The following ARHGEF11 variants were observed in gnomAD, a reference collection of about 807,000 sequenced individuals.
ARHGEF11 encodes the protein Rho guanine nucleotide exchange factor 11, also known as Rho guanine exchange factor (GEF) 11.
A neutral mutation model predicts 193.7 loss-of-function variants in ARHGEF11; 55 were observed. The ratio of observed to expected loss-of-function variants is 0.28; its 90% CI spans 0.23 to 0.36. The LOEUF (loss-of-function observed/expected upper bound fraction) is 0.36. ARHGEF11 is among the 10% of genes least tolerant of loss of function. The pLI is 1.00. For missense variants in ARHGEF11, 1,723 were observed against 2,005.6 expected (o/e 0.86, Z 2.69); for synonymous variants, 693 against 768.0 (o/e 0.90, Z 1.62).
rs556614259 is a variant in ARHGEF11, at chr1:156,989,735, A to G, written c.33-3562T>C. ...GCAATCCCTGACCACTGCAGCACAC[A>G]TTTCATTTACCCCAACATTTTATTT... On this transcript the variant is annotated intron_variant, in intron 1 of 40. Coordinates refer to ENST00000368194, the MANE Select transcript of ARHGEF11 (RefSeq NM_198236.3). Among the ~76,000 whole-genome samples, 23 of 152,326 alleles carry G rather than the reference A, an allele frequency of 1.5e-4. No individual in the cohort carries two copies. The South Asian group carries it at 4.8e-3, about 32-fold the overall frequency.
rs573040520 is a variant in ARHGEF11, at chr1:157,013,841, C to T, written c.33-27668G>A. 3.3e-5 allele frequency among the ~76,000 whole-genome samples: 5 copies of T among 152,372 alleles called. No individual in the cohort carries two copies. The East Asian group carries it at 7.7e-4, about 24-fold the overall frequency. ...TTTTCCTCCCAGGTATCAACGTCCTCTCAGCTTCTCTTCCTTTTCGCCTGA... is the reference window on the plus strand; with the variant it reads ...TTTTCCTCCCAGGTATCAACGTCCTTTCAGCTTCTCTTCCTTTTCGCCTGA... On this transcript the variant is annotated intron_variant, in intron 1 of 40. Transcript: ENST00000368194.
At chr1:156,980,148 C>A (rs1330124543) in intron 4 of ARHGEF11, among the ~76,000 whole-genome samples, 1 of 152,202 alleles carries the variant, frequency 6.6e-6, no homozygotes, top group African/African-American at 2.4e-5. Context: ...TACTAACCCT[C>A]CCTCTTAATC....
In ARHGEF11 at chr1:157,039,274, C is replaced by T. The variant is rs751487009; in HGVS notation, c.32+5025G>A. Among the ~76,000 whole-genome samples, 16 of 152,260 alleles carry T rather than the reference C, an allele frequency of 1.1e-4. 1 individual carries two copies. Among genetic ancestry groups the T allele is most frequent in the African/African-American group, 3.4e-4 (14 of 41,560 alleles). On this transcript the variant is annotated intron_variant, in intron 1 of 40. Coordinates refer to ENST00000368194, the MANE Select transcript of ARHGEF11 (RefSeq NM_198236.3). ...ATTCTGGTTTCAGAGGCTGAAAGAACGTAATAGCTAAAAGGAATCAAATCT... is the reference window on the plus strand; with the variant it reads ...ATTCTGGTTTCAGAGGCTGAAAGAATGTAATAGCTAAAAGGAATCAAATCT...
intron 1 of ARHGEF11, among the ~76,000 whole-genome samples, chr1:157,036,055 GA>G (rs1671961023): frequency 1.5e-5 from 2 of 133,242 alleles, no homozygotes; most frequent in Admixed American, 1.5e-4. Context: ...ATCTATATAG[GA>G]ATATATATAT....
At chr1:157,043,313 G>A (rs1184881550) in intron 1 of ARHGEF11, among the ~76,000 whole-genome samples, 1 of 152,190 alleles carries the variant, frequency 6.6e-6, no homozygotes, top group Non-Finnish European at 1.5e-5. Flanking sequence ...CAGTTAGGAT[G>A]TGTGCAGTGC....
intron 1 of ARHGEF11, among the ~76,000 whole-genome samples, chr1:157,023,873 G>T (rs1670305692): frequency 6.6e-6 from 1 of 151,952 alleles, no homozygotes; most frequent in South Asian, 2.1e-4. Context: ...CTTTGGAAAA[G>T]TTTGGTAGTT....
chr1:157,033,838 G>A (rs1671587556), intron 1 of ARHGEF11, among the ~76,000 whole-genome samples: 1 of 152,114 alleles, frequency 6.6e-6, no homozygotes, highest in African/African-American at 2.4e-5. Context: ...CAATGTAAAG[G>A]TCCTTTCCTC....
intron 28 of ARHGEF11, 27 bp from the exon 29 acceptor site, chr1:156,946,189 G>A (rs1658077513): frequency 1.9e-6 from 3 of 1,600,906 alleles, no homozygotes; most frequent in South Asian, 1.1e-5. Flanking sequence ...ACAGAAGGGA[G>A]GAGATGTCAG....
intron 1 of ARHGEF11, among the ~76,000 whole-genome samples, chr1:157,011,735 A>G (rs1343981090): frequency 6.6e-6 from 1 of 152,224 alleles, no homozygotes; most frequent in African/African-American, 2.4e-5. Flanking sequence ...AAGAGGCTCA[A>G]TATCATTAGT....
rs1661283626 is a variant in ARHGEF11 at position 156,963,600 on chromosome 1, GGAGA to G, written c.964-10_964-7del. ...TTTGGGCTTTGATCTACACCCTGGG[GGAGA>G]GAGTCAAATTGCAGAGATGAGAGGT... is the stretch of plus-strand genomic sequence containing the variant. On this transcript the variant is annotated splice_polypyrimidine_tract_variant and splice_region_variant and intron_variant, in intron 11 of 40. Transcript: ENST00000368194. 2 of 1,613,236 alleles carry G rather than the reference GGAGA, an allele frequency of 1.2e-6. No homozygotes were observed. The highest frequency in any genetic ancestry group is 1.3e-5 in the African/African-American group (1 of 74,830).
At chr1:157,025,345 C>T (rs1004143268) in intron 1 of ARHGEF11, among the ~76,000 whole-genome samples, 3 of 152,100 alleles carry the variant, frequency 2.0e-5, no homozygotes, top group East Asian at 3.8e-4. Flanking sequence ...CGATGCATGT[C>T]GAAGATAAAT....
intron 10 of ARHGEF11, 57 bp downstream of exon 10, chr1:156,969,225 C>A: frequency 1.4e-6 from 2 of 1,472,074 alleles, no homozygotes; most frequent in South Asian, 2.4e-5. Context: ...GAACTTGGGT[C>A]AAGGGAAGGG....
At chr1:156,991,716 T>TA (rs1665746687) in intron 1 of ARHGEF11, among the ~76,000 whole-genome samples, 1 of 83,394 alleles carries the variant, frequency 1.2e-5, no homozygotes, top group African/African-American at 5.1e-5. Context: ...GCTTATTTTT[T>TA]TTTTTTTTTT....
chr1:156,976,986 T>C lies in ARHGEF11; in HGVS notation c.579A>G (p.Leu193=), dbSNP rs368631467. The change falls in exon 7 of 41, where the codon TTA becomes TTG. Residue 193 remains leucine (L), a synonymous_variant. Coordinates refer to ENST00000368194, the MANE Select transcript of ARHGEF11 (RefSeq NM_198236.3). ...CTACCCTTGGCAGTGACCTTACCTG[T>C]AATTCTTTTTCTTCCTGCCTCAGCA... The part of the protein sequence containing the change: ...RNMLRQEEKE[L]QRICEVYSRN... The C allele has an allele frequency of 6.2e-7, 1 of 1,614,056 alleles. No homozygotes were observed. The highest frequency in any genetic ancestry group is 8.5e-7 in the Non-Finnish European group (1 of 1,179,910).
In ARHGEF11 at chr1:156,948,231, G is replaced by T; in HGVS notation, c.2106-3C>A. On this transcript the variant is annotated splice_polypyrimidine_tract_variant and splice_region_variant and intron_variant, in intron 23 of 40. Coordinates refer to ENST00000368194, the MANE Select transcript of ARHGEF11 (RefSeq NM_198236.3). The surrounding 1 kb of genome is among the most constrained non-coding windows in gnomAD (Gnocchi z 4.2). The stretch of plus-strand genomic sequence containing the variant: ...GAGGGGTTGGGTTCTCAAGAGACCT[G>T]TGGAGGGAATGTCAACTCTCAGCAA... The T allele has an allele frequency of 6.3e-7, 1 of 1,592,714 alleles. No individual in the cohort carries two copies. The highest frequency in any genetic ancestry group is 8.6e-7 in the Non-Finnish European group (1 of 1,166,342).
chr1:157,044,674 T>A lies in ARHGEF11; in HGVS notation c.-344A>T, dbSNP rs866641820. The A allele has an allele frequency of 1.2e-5, 5 of 424,282 alleles. No individual in the cohort carries two copies. The highest frequency in any genetic ancestry group is 8.8e-5 in the South Asian group (1 of 11,404). 26.3% of individuals were successfully genotyped at this position (424,282 alleles called of 1,614,324 possible). A position where few individuals can be genotyped will look rare whatever the true frequency, so the allele number is the denominator to read the frequency against. On this transcript the variant is annotated 5_prime_UTR_variant, in exon 1 of 41. Transcript: ENST00000368194. ...GGTTAGCACTATGGCCAAAAAAAAATGAATCACAGAAAAATGTGCCTTCAA... is the reference window on the plus strand; with the variant it reads ...GGTTAGCACTATGGCCAAAAAAAAAAGAATCACAGAAAAATGTGCCTTCAA...
At chr1:156,985,975 G>T (rs964270277) in intron 2 of ARHGEF11, 107 bp downstream of exon 2, 1 of 873,700 alleles carries the variant, frequency 1.1e-6, no homozygotes, top group South Asian at 1.5e-5. Context: ...ACAGACCAGA[G>T]CTCTTCGGCT....
At chr1:156,984,088 C>T (rs536010744) in intron 3 of ARHGEF11, among the ~76,000 whole-genome samples, 1 of 152,302 alleles carries the variant, frequency 6.6e-6, no homozygotes, top group East Asian at 1.9e-4. Context: ...CAGACATCTG[C>T]CTGATGATGA....
intron 19 of ARHGEF11, 34 bp from the exon 20 acceptor site, chr1:156,955,833 G>C (rs2102061539): frequency 6.5e-7 from 1 of 1,540,834 alleles, no homozygotes; most frequent in East Asian, 2.2e-5. Flanking sequence ...GTTTGCAGGA[G>C]GTCCTGATAC....
Sources: allele counts gnomAD v4.1 joint callset (sites outside exome capture counted in the v4.1 genomes callset), GRCh38; gene constraint gnomAD v4.1.1; non-coding constraint Gnocchi (gnomAD v3.1); transcripts MANE v1.5; gene names NCBI Gene and HGNC (gene_info 2026-07-23, HGNC 2026-07-21).